The following SEPTIN10 variants were observed in gnomAD, a reference collection of about 807,000 sequenced individuals.
SEPTIN10 encodes the protein septin-10.
In SEPTIN10, 66 loss-of-function variants were observed where a neutral mutation model predicts 54.8. That is an observed-to-expected ratio of 1.21 (90% CI 0.99 to 1.48). The LOEUF is 1.48. SEPTIN10 is among the 40% of genes most tolerant of loss of function. The probability of loss-of-function intolerance (pLI) is 0.00; values close to 1 mark genes in which losing one functional copy is unlikely to be tolerated. For missense variants in SEPTIN10, 620 were observed against 545.6 expected (o/e 1.14, Z -1.36); for synonymous variants, 161 against 181.0 (o/e 0.89, Z 0.89).
chr2:109,562,610 A>C (rs1173468638), intron 8 of SEPTIN10, among the ~76,000 whole-genome samples: 1 of 152,152 alleles, frequency 6.6e-6, no homozygotes, highest in Non-Finnish European at 1.5e-5. Context: ...CAGGTGACTG[A>C]TGATGACTCC....
intron 10 of SEPTIN10, chr2:109,545,769 C>G (rs901766379): frequency 2.8e-6 from 4 of 1,426,650 alleles, no homozygotes; most frequent in South Asian, 1.6e-5. Context: ...CCATTTTCCC[C>G]CAGCTAACTG....
At chr2:109,557,933 T>C (rs193269306) in intron 8 of SEPTIN10, among the ~76,000 whole-genome samples, 1 of 151,684 alleles carries the variant, frequency 6.6e-6, no homozygotes, top group East Asian at 1.9e-4. Context: ...GCTGGGACTA[T>C]ATGAGCATGC....
At position 109,613,938 on chromosome 2, in the gene SEPTIN10, G is replaced by A. The variant is rs1045033512; in HGVS notation, c.-111C>T. On this transcript the variant is annotated 5_prime_UTR_variant, in exon 1 of 11. Coordinates refer to ENST00000397712, the MANE Select transcript of SEPTIN10 (RefSeq NM_144710.5). ...GGCAGAAGCAACGGGCGGGGCGCGA[G>A]GCTAGGCTGCCTCCGCGACGGGGAA... The A allele has an allele frequency of 7.4e-6, 9 of 1,218,904 alleles. No homozygotes were observed. In the South Asian group the frequency reaches 2.1e-4, roughly 28 times the overall value. The allele number at this position is 1,218,904 out of a possible 1,614,324, so 75.5% of individuals were successfully genotyped here.
intron 7 of SEPTIN10, among the ~76,000 whole-genome samples, chr2:109,565,561 G>C (rs1375873994): frequency 6.6e-6 from 1 of 152,146 alleles, no homozygotes; most frequent in Non-Finnish European, 1.5e-5. Flanking sequence ...AGGGTACCGT[G>C]GGGGCGGGGG....
At chr2:109,594,271 T>TA (rs56164461) in intron 1 of SEPTIN10, among the ~76,000 whole-genome samples, 44 of 151,248 alleles carry the variant, frequency 2.9e-4, no homozygotes, top group African/African-American at 7.5e-4. Context: ...ATGAATGTGG[T>TA]AAAAAAAAAA....
intron 2 of SEPTIN10, among the ~76,000 whole-genome samples, chr2:109,589,318 A>G (rs1268884866): frequency 6.6e-6 from 1 of 152,070 alleles, no homozygotes; most frequent in African/African-American, 2.4e-5. Context: ...AGGTTACTTG[A>G]GGCCAGGAGT....
chr2:109,613,094 G>T, intron 1 of SEPTIN10: 1 of 932,908 alleles, frequency 1.1e-6, no homozygotes, highest in Non-Finnish European at 1.5e-6. Context: ...TCCAAACGGC[G>T]GTGAGATCAC....
chr2:109,569,195 G>A (rs1372262282), intron 5 of SEPTIN10, among the ~76,000 whole-genome samples: 2 of 152,100 alleles, frequency 1.3e-5, no homozygotes, highest in Non-Finnish European at 2.9e-5. Flanking sequence ...TTGAAAGGCT[G>A]AGGCAGGTGG....
chr2:109,583,433 A>G (rs1691688405), intron 4 of SEPTIN10, among the ~76,000 whole-genome samples: 1 of 152,222 alleles, frequency 6.6e-6, no homozygotes, highest in African/African-American at 2.4e-5. Context: ...CAAAACCACA[A>G]TGAGATACCA....
chr2:109,596,873 A>C (rs1381619282), intron 1 of SEPTIN10, among the ~76,000 whole-genome samples: 1 of 152,234 alleles, frequency 6.6e-6, no homozygotes, highest in Non-Finnish European at 1.5e-5. Context: ...TTCCACTAGT[A>C]CTACTTGGTC....
intron 1 of SEPTIN10, among the ~76,000 whole-genome samples, chr2:109,611,781 G>A (rs1394900885): frequency 6.6e-6 from 1 of 152,062 alleles, no homozygotes; most frequent in African/African-American, 2.4e-5. Context: ...ATCACCATGA[G>A]GTGTCACTAT....
In SEPTIN10 at chr2:109,567,837, G is replaced by C. The variant is rs1378680315; in HGVS notation, c.740C>G (p.Ala247Gly). 1.2e-6 allele frequency: 2 copies of C among 1,609,422 alleles called. No homozygotes were observed. Among genetic ancestry groups the C allele is most frequent in the South Asian group, 1.1e-5 (1 of 90,088 alleles). Residue 247 changes from alanine to glycine, a missense_variant, in exon 6 of 11, where the codon GCT (alanine) becomes GGT (glycine). Transcript: ENST00000397712. The part of the protein sequence containing the change: ...YQFPTDDDTI[A>G]KVNAAMNGQL... ...CACATTCATTGCAGCGTTGACCTTA[G>C]CAATAGTGTCATCATCCGTTGGGAA...
At position 109,613,902 on chromosome 2, in the gene SEPTIN10, G is replaced by T. The variant is rs1342716444; in HGVS notation, c.-75C>A. ...CGGCTGGTCCCGGCGACGGCGGCGG[G>T]AAGGCCGGAGGGCAGAAGCAACGGG... On this transcript the variant is annotated 5_prime_UTR_variant, in exon 1 of 11. Coordinates refer to ENST00000397712, the MANE Select transcript of SEPTIN10 (RefSeq NM_144710.5). 2.5e-6 allele frequency: 3 copies of T among 1,224,374 alleles called. No homozygotes were observed. The highest frequency in any genetic ancestry group is 3.2e-5 in the East Asian group (1 of 31,016). 75.8% of individuals were successfully genotyped at this position (1,224,374 alleles called of 1,614,324 possible).
Position 109,613,955 on chromosome 2 carries a change from G to T in SEPTIN10, c.-128C>A, listed in dbSNP as rs1009789149. 1.7e-6 allele frequency: 2 copies of T among 1,207,778 alleles called. No individual in the cohort carries two copies. The highest frequency in any genetic ancestry group is 1.6e-5 in the African/African-American group (1 of 63,316). The allele number at this position is 1,207,778 out of a possible 1,614,324, so 74.8% of individuals were successfully genotyped here. ...GGGCGCGAGGCTAGGCTGCCTCCGCGACGGGGAAGGGACAGGGGCGGGGCC... is the reference window on the plus strand; with the variant it reads ...GGGCGCGAGGCTAGGCTGCCTCCGCTACGGGGAAGGGACAGGGGCGGGGCC... On this transcript the variant is annotated 5_prime_UTR_variant, in exon 1 of 11. Coordinates refer to ENST00000397712, the MANE Select transcript of SEPTIN10 (RefSeq NM_144710.5).
intron 3 of SEPTIN10, 103 bp from the exon 4 acceptor site, chr2:109,585,424 G>T: frequency 1.0e-6 from 1 of 960,520 alleles, no homozygotes; most frequent in Non-Finnish European, 1.6e-6. Flanking sequence ...TATTTCAAAG[G>T]CCAGGGTGCG....
At chr2:109,590,276 G>A (rs1430153281) in intron 2 of SEPTIN10, among the ~76,000 whole-genome samples, 1 of 151,824 alleles carries the variant, frequency 6.6e-6, no homozygotes, top group Non-Finnish European at 1.5e-5. Context: ...CGATGCCCCT[G>A]GTGCACACAA....
chr2:109,563,150 G>A (rs1456989642), intron 8 of SEPTIN10, among the ~76,000 whole-genome samples: 1 of 151,956 alleles, frequency 6.6e-6, no homozygotes, highest in African/African-American at 2.4e-5. Context: ...ACCTCAAGTG[G>A]TCTGCCCGCC....
At chr2:109,598,270 G>A (rs1445518971) in intron 1 of SEPTIN10, among the ~76,000 whole-genome samples, 2 of 151,950 alleles carry the variant, frequency 1.3e-5, no homozygotes, top group East Asian at 2.0e-4. Flanking sequence ...GTTTCTCCAC[G>A]TTGGTTAGGC....
intron 1 of SEPTIN10, among the ~76,000 whole-genome samples, chr2:109,612,275 G>T (rs559581073): frequency 6.6e-6 from 1 of 152,074 alleles, no homozygotes; most frequent in South Asian, 2.1e-4. Context: ...GAATAAAAAC[G>T]AATCACTGAT....
Sources: gnomAD v4.1 joint callset for allele counts (sites outside exome capture counted in the v4.1 genomes callset) on GRCh38, gnomAD v4.1.1 for gene constraint, MANE v1.5 for transcripts, NCBI Gene and HGNC (gene_info 2026-07-23, HGNC 2026-07-21) for gene names.